The following DNA2 variants were observed in gnomAD, a reference collection of about 807,000 sequenced individuals.
The protein encoded by DNA2 is DNA replication ATP-dependent helicase/nuclease DNA2.
DNA2 carries 101 observed loss-of-function variants against 119.1 expected under a neutral mutation model. The ratio of observed to expected loss-of-function variants is 0.85; its 90% CI spans 0.72 to 1.00. The LOEUF (loss-of-function observed/expected upper bound fraction) is 1.00, where lower values mean the gene tolerates loss of function less well. Ranked by LOEUF, DNA2 falls within the 50% of genes least tolerant of loss-of-function variation. The pLI, the probability that DNA2 is intolerant of heterozygous loss-of-function variation, is 0.00. For missense variants in DNA2, 1,121 were observed against 1,255.5 expected (o/e 0.89, Z 1.62); for synonymous variants, 366 against 424.4 (o/e 0.86, Z 1.69).
chr10:68,425,079 G>A, intron 14 of DNA2: 1 of 309,580 alleles, frequency 3.2e-6, no homozygotes, highest in Non-Finnish European at 6.3e-6. Flanking sequence ...GAATGTCTCT[G>A]GAACATTTCT....
chr10:68,419,690 TC>T (rs573839001), intron 18 of DNA2, 112 bp downstream of exon 18: 14 of 729,334 alleles, frequency 1.9e-5, no homozygotes, highest in Non-Finnish European at 3.0e-5. Flanking sequence ...GGGGCTTCAA[TC>T]CCCCCCTTAT....
chr10:68,445,929 C>T (rs2052032877), intron 7 of DNA2, among the ~76,000 whole-genome samples: 1 of 152,068 alleles, frequency 6.6e-6, no homozygotes, highest in Non-Finnish European at 1.5e-5. Context: ...GAGTTCAAGA[C>T]CAGCCTGGCC....
At chr10:68,428,591 G>C (rs543691259) in intron 14 of DNA2, among the ~76,000 whole-genome samples, 7 of 152,140 alleles carry the variant, frequency 4.6e-5, no homozygotes, top group Non-Finnish European at 1.0e-4. Context: ...GAGGGTGAAT[G>C]GTTAAACACA....
intron 6 of DNA2, among the ~76,000 whole-genome samples, chr10:68,448,542 T>C (rs930007276): frequency 6.6e-6 from 1 of 152,248 alleles, no homozygotes; most frequent in Admixed American, 6.5e-5. Flanking sequence ...TAATATGCAA[T>C]ATAAATTCCA....
Position 68,419,701 on chromosome 10 carries a change from T to C in DNA2, c.2787+102A>G, listed in dbSNP as rs1590045916. On this transcript the variant is annotated intron_variant, in intron 18 of 20. Transcript: ENST00000358410. The stretch of plus-strand genomic sequence containing the variant: ...CAATGGGGCTTCAATCCCCCCCTTA[T>C]CTTAATAAACGAGACTTAATGCCAG... 7 of 828,212 alleles carry C rather than the reference T, an allele frequency of 8.5e-6. No individual in the cohort carries two copies. In the South Asian group the frequency reaches 1.1e-4, roughly 13 times the overall value. The allele number at this position is 828,212 out of a possible 1,614,324, so 51.3% of individuals were successfully genotyped here.
rs374387690 is a variant in DNA2 at position 68,442,940 on chromosome 10, G to C, written c.1392C>G (p.Ile464Met). Residue 464 changes from isoleucine to methionine, a missense_variant, in exon 9 of 21, where the codon ATC becomes ATG. Coordinates refer to ENST00000358410, the MANE Select transcript of DNA2 (RefSeq NM_001080449.3). ...ACATTTCCGAAGCAGGCATTAGCCA[G>C]ATATTTTGGTGATTCTTTTTATTAT... ...SKDNKKNHQNIWLMPASEMEK... is the reference protein window; with the variant it reads ...SKDNKKNHQNMWLMPASEMEK... 9.9e-6 allele frequency: 16 copies of C among 1,612,336 alleles called. No homozygotes were observed. Among genetic ancestry groups the C allele is most frequent in the Non-Finnish European group, 1.3e-5 (15 of 1,179,434 alleles).
At chr10:68,446,860 G>A (rs1170766759) in intron 6 of DNA2, among the ~76,000 whole-genome samples, 2 of 152,112 alleles carry the variant, frequency 1.3e-5, no homozygotes, top group African/African-American at 4.8e-5. Flanking sequence ...TGAGGGTGGT[G>A]CGGGGGGAGA....
chr10:68,424,565 G>A (rs1403733896), intron 14 of DNA2: 5 of 910,158 alleles, frequency 5.5e-6, no homozygotes, highest in Non-Finnish European at 5.5e-6. Context: ...TCACCATGAA[G>A]TTCAATCCCT....
intron 6 of DNA2, among the ~76,000 whole-genome samples, chr10:68,447,721 C>A (rs1404841459): frequency 6.6e-6 from 1 of 151,392 alleles, no homozygotes; most frequent in East Asian, 2.0e-4. Flanking sequence ...CAGTGGTTCA[C>A]GCCTGTAATC....
In DNA2 at chr10:68,444,252, C is replaced by T. The variant is rs750372240; in HGVS notation, c.1220+669G>A. On this transcript the variant is annotated intron_variant, in intron 8 of 20. Coordinates refer to ENST00000358410, the MANE Select transcript of DNA2 (RefSeq NM_001080449.3). ...TAAAAATACAAAAATTAGCTGGGTG[C>T]GGTGGCGAGCGCCTGTAGTCCCAGC... Among the ~76,000 whole-genome samples the T allele has an allele frequency of 2.4e-4, 36 of 150,692 alleles. 1 individual carries two copies. Among genetic ancestry groups the T allele is most frequent in the Non-Finnish European group, 4.7e-4 (32 of 67,586 alleles).
At chr10:68,454,103 A>ATGCT (rs531966585) in intron 5 of DNA2, among the ~76,000 whole-genome samples, 100 of 152,172 alleles carry the variant, frequency 6.6e-4, no homozygotes, top group Non-Finnish European at 1.1e-3. Flanking sequence ...TATGCCTTAT[A>ATGCT]TGCTGTTAAC....
rs1490077398 is a variant in DNA2, at chr10:68,419,037, T to G, written c.2964A>C (p.Gly988=). 3 of 1,595,220 alleles carry G rather than the reference T, an allele frequency of 1.9e-6. No homozygotes were observed. Among genetic ancestry groups the G allele is most frequent in the African/African-American group, 2.7e-5 (2 of 73,992 alleles). Reference sequence around the variant, plus strand: ...GTAGCAAACACAATTAACTCACAGTTCCATCCTTATTACTTCTAACAAAAG... The same window carrying G: ...GTAGCAAACACAATTAACTCACAGTGCCATCCTTATTACTTCTAACAAAAG... ...LVSFVRSNKD[G]TVGELLKDWR... is the part of the protein sequence containing the mutation. Residue 988 remains glycine, a synonymous_variant, in exon 19 of 21, where the codon GGA becomes GGC. Coordinates refer to ENST00000358410, the MANE Select transcript of DNA2 (RefSeq NM_001080449.3).
At chr10:68,418,604 C>T (rs1313820986) in intron 19 of DNA2, among the ~76,000 whole-genome samples, 1 of 151,816 alleles carries the variant, frequency 6.6e-6, no homozygotes, top group African/African-American at 2.4e-5. Flanking sequence ...ACCCCCAACC[C>T]GCTAAAGGCC....
At position 68,431,946 on chromosome 10, in the gene DNA2, C is replaced by A; in HGVS notation, c.1899G>T (p.Ala633=). Residue 633 remains alanine (A), a synonymous_variant, in exon 13 of 21, where the codon GCG becomes GCT. Coordinates refer to ENST00000358410, the MANE Select transcript of DNA2 (RefSeq NM_001080449.3). The part of the protein sequence containing the change: ...LKGLNKPQRQ[A]MKKVLLSKDY... The stretch of plus-strand genomic sequence containing the variant: ...CTTTTGAAAGAAGTACCTTTTTCAT[C>A]GCTTGCCTCTGAGGCTTATTCAAAC... The A allele has an allele frequency of 1.2e-6, 2 of 1,613,292 alleles. No homozygotes were observed. Among genetic ancestry groups the A allele is most frequent in the African/African-American group, 1.3e-5 (1 of 75,010 alleles).
At chr10:68,450,649 C>T (rs1263039508) in intron 5 of DNA2, among the ~76,000 whole-genome samples, 8 of 152,286 alleles carry the variant, frequency 5.3e-5, no homozygotes, top group African/African-American at 1.9e-4. Flanking sequence ...AACTCAGGCC[C>T]TTATTTTCTC....
At chr10:68,445,194 A>G (rs1247253178) in intron 7 of DNA2, 111 bp from the exon 8 acceptor site, 5 of 1,011,030 alleles carry the variant, frequency 4.9e-6, no homozygotes, top group Non-Finnish European at 7.1e-6. Flanking sequence ...GCCGGGCACA[A>G]TGGCTTACGC....
At chr10:68,446,251 G>C (rs527246445) in intron 7 of DNA2, 45 bp downstream of exon 7, 4 of 995,702 alleles carry the variant, frequency 4.0e-6, no homozygotes, top group East Asian at 2.7e-5. Context: ...AAGCTGAAGT[G>C]GGGGGGTGGG....
intron 9 of DNA2, among the ~76,000 whole-genome samples, chr10:68,437,861 C>G (rs947882662): frequency 6.6e-6 from 1 of 152,000 alleles, no homozygotes; most frequent in East Asian, 1.9e-4. Context: ...CAGGCATACA[C>G]CACCACGACA....
At chr10:68,463,668 CAA>C (rs1350131594) in intron 4 of DNA2, among the ~76,000 whole-genome samples, 27 of 98,516 alleles carry the variant, frequency 2.7e-4, no homozygotes, top group Admixed American at 3.5e-4. Context: ...GACTCCATCT[CAA>C]AAAAAAAAAA....
Sources: allele counts gnomAD v4.1 joint callset (sites outside exome capture counted in the v4.1 genomes callset), GRCh38; gene constraint gnomAD v4.1.1; transcripts MANE v1.5; gene names NCBI Gene and HGNC (gene_info 2026-07-23, HGNC 2026-07-21).